The following MICAL3 variants were observed in gnomAD, a reference collection of about 807,000 sequenced individuals.
MICAL3 encodes the protein [F-actin]-monooxygenase MICAL3.
A neutral mutation model predicts 207.4 loss-of-function variants in MICAL3; 62 were observed. The ratio of observed to expected loss-of-function variants is 0.30; its 90% CI spans 0.24 to 0.37. The LOEUF is 0.37. Ranked by LOEUF, MICAL3 falls within the 10% of genes least tolerant of loss-of-function variation. The probability of loss-of-function intolerance (pLI) is 1.00; values close to 1 mark genes in which losing one functional copy is unlikely to be tolerated. For synonymous variants in MICAL3, 1,077 were observed against 1,069.3 expected (o/e 1.01, Z -0.14); for missense variants, 2,368 against 2,635.6 (o/e 0.90, Z 2.22).
intron 19 of MICAL3, chr22:17,864,204 T>C: frequency 1.0e-6 from 1 of 996,974 alleles, no homozygotes; most frequent in Non-Finnish European, 1.2e-6. Flanking sequence ...AATGTGTTTG[T>C]AGAGGTAGAG....
chr22:18,010,971 G>A (rs1207636857), intron 1 of MICAL3, among the ~76,000 whole-genome samples: 1 of 152,104 alleles, frequency 6.6e-6, no homozygotes, highest in Non-Finnish European at 1.5e-5. Flanking sequence ...AAACAAACAG[G>A]AAGAAAAGAA....
chr22:17,833,840 G>GT (rs1569086105), intron 20 of MICAL3, among the ~76,000 whole-genome samples: 1 of 152,110 alleles, frequency 6.6e-6, no homozygotes, highest in Non-Finnish European at 1.5e-5. Context: ...TACTCCTGGC[G>GT]TATCGTCACA....
chr22:17,830,716 T>G (rs1460200507), intron 21 of MICAL3, among the ~76,000 whole-genome samples: 2 of 152,210 alleles, frequency 1.3e-5, no homozygotes, highest in South Asian at 2.1e-4. Context: ...CACTAAGGGC[T>G]GCCTGTGGGT....
chr22:17,865,860 G>T, intron 18 of MICAL3, 64 bp downstream of exon 18: 2 of 1,405,366 alleles, frequency 1.4e-6, no homozygotes, highest in East Asian at 4.6e-5. Context: ...GCCGCCCCCG[G>T]CCCATAGCCA....
rs182235655 is a variant in MICAL3 at position 17,848,618 on chromosome 22, C to T, written c.2606-6601G>A. Among the ~76,000 whole-genome samples the T allele has an allele frequency of 1.8e-3, 274 of 152,260 alleles. 1 individual carries two copies. The highest frequency in any genetic ancestry group is 6.3e-3 in the African/African-American group (260 of 41,534). ...CATGGCTACCATCCTGACTTAGAAACCTAAAGTAGTGGGATGGGTCACTAC... is the reference window on the plus strand; with the variant it reads ...CATGGCTACCATCCTGACTTAGAAATCTAAAGTAGTGGGATGGGTCACTAC... On this transcript the variant is annotated intron_variant, in intron 19 of 31. Coordinates refer to ENST00000441493, the MANE Select transcript of MICAL3 (RefSeq NM_015241.3).
chr22:17,833,292 T>C (rs1034849061), intron 20 of MICAL3, among the ~76,000 whole-genome samples: 7 of 147,052 alleles, frequency 4.8e-5, no homozygotes, highest in African/African-American at 1.8e-4. Context: ...CAAAGCATCT[T>C]TTTCAGGAGA....
intron 13 of MICAL3, among the ~76,000 whole-genome samples, chr22:17,888,251 A>G (rs1182804822): frequency 6.6e-6 from 1 of 152,198 alleles, no homozygotes; most frequent in Non-Finnish European, 1.5e-5. Context: ...CCTAAGGCCA[A>G]GTGGAAGCCT....
In MICAL3 at chr22:17,891,609, G is replaced by C. The variant is rs748091992; in HGVS notation, c.1570C>G (p.Leu524Val). Residue 524 changes from leucine to valine, a missense_variant, in exon 12 of 32, where the codon CTG becomes GTG. Physicochemically the swap from Leu to Val is conservative, Grantham distance 32. Around this residue, in one of 4 missense-constraint regions of MICAL3, gnomAD observed 147 missense variants for 137.7 expected, o/e 1.07. Transcript: ENST00000441493. ...GTCTGCCTCTGGCACCAACCCAGCA[G>C]TTTGCTTGAACGAGCTACAGACTCT... ...RNESVARSSK[L>V]LGWCQRQTDG... 1 of 1,613,986 alleles carries C rather than the reference G, an allele frequency of 6.2e-7. No individual in the cohort carries two copies. The highest frequency in any genetic ancestry group is 1.7e-5 in the Admixed American group (1 of 60,018).
chr22:17,797,861 C>T (rs988893127), intron 29 of MICAL3, among the ~76,000 whole-genome samples: 15 of 152,350 alleles, frequency 9.8e-5, no homozygotes, highest in South Asian at 4.1e-4. Flanking sequence ...GGCACGTCGG[C>T]GGGCCGTCCT....
chr22:17,926,389 C>T (rs187421073), intron 1 of MICAL3, among the ~76,000 whole-genome samples: 19 of 152,282 alleles, frequency 1.2e-4, no homozygotes, highest in South Asian at 1.0e-3. Flanking sequence ...ACTCTCCTGC[C>T]CTGGTTTCTC....
In MICAL3 at chr22:17,901,828, C is replaced by T. The variant is rs756905275; in HGVS notation, c.691+50G>A. The T allele has an allele frequency of 4.2e-6, 6 of 1,419,370 alleles. No individual in the cohort carries two copies. In the South Asian group the frequency reaches 5.9e-5, roughly 14 times the overall value. The allele number at this position is 1,419,370 out of a possible 1,614,324, so 87.9% of individuals were successfully genotyped here. On this transcript the variant is annotated intron_variant, in intron 5 of 31. Transcript: ENST00000441493. ...CAGTCTCGCCCCAGAGGTAGGATAG[C>T]ATCAGCTTTCCCTCTGCTATGAGCC...
At chr22:17,942,077 G>A (rs779763544) in intron 1 of MICAL3, among the ~76,000 whole-genome samples, 4 of 152,182 alleles carry the variant, frequency 2.6e-5, no homozygotes, top group Non-Finnish European at 5.9e-5. Context: ...GAAACGACTT[G>A]CCTAATCTCG....
At position 17,885,908 on chromosome 22, in the gene MICAL3, C is replaced by A. The variant is rs373482714; in HGVS notation, c.2211G>T (p.Ala737=). 9.3e-6 allele frequency: 15 copies of A among 1,613,824 alleles called. No homozygotes were observed. The part of the protein sequence containing the change: ...TQLLAKFEEN[A]PAQSIGIRRQ... ...TCCGTATGCCGATGGACTGTGCGGG[C>A]GCATTCTCTTCAAATTTGGCCAGCA... Residue 737 remains alanine, a synonymous_variant, in exon 16 of 32, where the codon GCG becomes GCT. Coordinates refer to ENST00000441493, the MANE Select transcript of MICAL3 (RefSeq NM_015241.3).
intron 1 of MICAL3, among the ~76,000 whole-genome samples, chr22:18,000,457 G>C (rs1327151097): frequency 6.6e-6 from 1 of 152,230 alleles, no homozygotes; most frequent in Non-Finnish European, 1.5e-5. Flanking sequence ...AACGGGATGC[G>C]GCACAGAGGC....
chr22:17,903,168 G>A (rs563056529), intron 3 of MICAL3, among the ~76,000 whole-genome samples: 8 of 152,274 alleles, frequency 5.3e-5, no homozygotes, highest in East Asian at 1.9e-4. Context: ...TGACCTCCCC[G>A]CCCACAGGCG....
intron 29 of MICAL3, among the ~76,000 whole-genome samples, chr22:17,794,039 G>A (rs972413691): frequency 1.3e-5 from 2 of 152,162 alleles, no homozygotes; most frequent in Admixed American, 1.3e-4. Flanking sequence ...TTTTCAGCAC[G>A]GAACTGAACG....
intron 1 of MICAL3, among the ~76,000 whole-genome samples, chr22:18,000,427 G>C (rs1480969971): frequency 2.0e-5 from 3 of 152,186 alleles, no homozygotes; most frequent in Non-Finnish European, 2.9e-5. Context: ...GCCAAGATAC[G>C]GGGCTGGTCC....
At chr22:17,906,407 C>T (rs577907591) in intron 2 of MICAL3, 142 bp downstream of exon 2, 72 of 1,545,182 alleles carry the variant, frequency 4.7e-5, no homozygotes, top group Non-Finnish European at 6.2e-6. Flanking sequence ...TGGTCGATGG[C>T]TCTGGCACAG....
chr22:17,911,946 C>T (rs1204027520), intron 1 of MICAL3, among the ~76,000 whole-genome samples: 1 of 152,246 alleles, frequency 6.6e-6, no homozygotes, highest in Non-Finnish European at 1.5e-5. Context: ...CTTCCTTCAA[C>T]ATAGGCAACT....
Sources: allele counts gnomAD v4.1 joint callset (sites outside exome capture counted in the v4.1 genomes callset), GRCh38; gene constraint gnomAD v4.1.1; regional missense constraint gnomAD v4.1.1; transcripts MANE v1.5; gene names NCBI Gene and HGNC (gene_info 2026-07-23, HGNC 2026-07-21).